ZNF69: variants seen among roughly 807,000 people sequenced by gnomAD.
The protein encoded by ZNF69 is ZNF3.
Under a neutral mutation model 50.9 loss-of-function variants are expected in ZNF69, and 47 were observed. The observed-to-expected ratio is 0.92, with a 90% CI of 0.73 to 1.18. The LOEUF is 1.18. ZNF69 is among the 50% of genes most tolerant of loss of function. ZNF69 has a pLI of 0.00. For synonymous variants in ZNF69, 216 were observed against 223.1 expected, an observed-to-expected ratio of 0.97 and a Z score of 0.29; for missense variants, 717 against 675.1, an observed-to-expected ratio of 1.06 and a Z score of -0.69.
intron 1 of ZNF69, among the ~76,000 whole-genome samples, chr19:11,889,252 A>G (rs1977023288): frequency 6.6e-6 from 1 of 152,106 alleles, no homozygotes; most frequent in African/African-American, 2.4e-5. Flanking sequence ...GTAATTTGGT[A>G]TCTTCTTGCC....
the ZNF69 span, chr19:11,949,416 T>C: frequency 1.2e-6 from 2 of 1,613,218 alleles, no homozygotes; most frequent in Admixed American, 1.7e-5. Flanking sequence ...TTCGAGTGCA[T>C]GGTAGGACTC....
chr19:11,960,175 A>T, the ZNF69 span, among the ~76,000 whole-genome samples: 4 of 150,176 alleles, frequency 2.7e-5, no homozygotes, highest in East Asian at 7.8e-4. Flanking sequence ...GCATACCACC[A>T]CCCCCAGCTA....
At chr19:11,913,402 T>A in intron 4 of ZNF69, 2 of 605,330 alleles carry the variant, frequency 3.3e-6, no homozygotes, top group Non-Finnish European at 3.0e-6. Flanking sequence ...TCTTTTTTTT[T>A]TTCCAGAAAA....
chr19:11,969,190 T>C, the ZNF69 span, among the ~76,000 whole-genome samples: 4 of 152,232 alleles, frequency 2.6e-5, 1 homozygote, highest in Admixed American at 2.0e-4. Context: ...CTGCAGCCTC[T>C]GCCTTCTGGG....
downstream of ZNF69, among the ~76,000 whole-genome samples, chr19:11,918,253 C>T (rs1280760241): frequency 4.6e-5 from 7 of 152,174 alleles, no homozygotes. Context: ...AATTAACCAT[C>T]TCACCTTTCA....
chr19:11,952,680 C>A, the ZNF69 span, among the ~76,000 whole-genome samples: 1 of 152,084 alleles, frequency 6.6e-6, no homozygotes, highest in Non-Finnish European at 1.5e-5. Flanking sequence ...GATGACATAC[C>A]CAGTCTCAGA....
At chr19:11,962,539 T>A in the ZNF69 span, among the ~76,000 whole-genome samples, 2 of 152,138 alleles carry the variant, frequency 1.3e-5, no homozygotes, top group Non-Finnish European at 2.9e-5. Context: ...TTTAAATTTT[T>A]TTGTACATAT....
chr19:11,892,202 G>A (rs959354380), intron 1 of ZNF69, among the ~76,000 whole-genome samples: 6 of 145,248 alleles, frequency 4.1e-5, no homozygotes, highest in Non-Finnish European at 7.4e-5. Flanking sequence ...CTGGTCTCTA[G>A]CTCCTGGCCT....
rs1468653270 is a variant in ZNF69 at position 11,905,459 on chromosome 19, C to G, written c.1062C>G (p.His354Gln). Residue 354 changes from histidine (H) to glutamine (Q), a missense_variant, in exon 4 of 4, where the codon CAC (histidine) becomes CAG (glutamine). Transcript: ENST00000429654. ...GTTTTCAAACACACATAAGAATGCA[C>G]TCTGGAGAAAGACCTTATGAATGTA... ...LTSFQTHIRM[H>Q]SGERPYECKI... is the part of the protein sequence containing the mutation. The G allele has an allele frequency of 1.9e-6, 3 of 1,614,164 alleles. No individual in the cohort carries two copies. The highest frequency in any genetic ancestry group is 2.5e-6 in the Non-Finnish European group (3 of 1,180,028).
the ZNF69 span, among the ~76,000 whole-genome samples, chr19:11,972,925 CAA>C: frequency 1.5e-4 from 19 of 130,838 alleles, no homozygotes; most frequent in African/African-American, 1.9e-4. Context: ...GACCCTGTTT[CAA>C]AAAAAAAAAA....
At chr19:11,892,739 G>A (rs1397592615) in intron 1 of ZNF69, among the ~76,000 whole-genome samples, 4 of 152,218 alleles carry the variant, frequency 2.6e-5, no homozygotes, top group Non-Finnish European at 5.9e-5. Context: ...GAGAGTTCCA[G>A]CTGGCTATGT....
chr19:11,915,750 A>G (rs1390678416), downstream of ZNF69, among the ~76,000 whole-genome samples: 1 of 152,176 alleles, frequency 6.6e-6, no homozygotes, highest in African/African-American at 2.4e-5. Context: ...CTAAAAATAC[A>G]AAAAGTAGCT....
At chr19:11,962,661 C>G in the ZNF69 span, among the ~76,000 whole-genome samples, 1 of 152,084 alleles carries the variant, frequency 6.6e-6, no homozygotes, top group Non-Finnish European at 1.5e-5. Flanking sequence ...ATACTCCCAG[C>G]CCTGAAACAG....
chr19:11,925,185 G>A, the ZNF69 span: 102 of 1,611,128 alleles, frequency 6.3e-5, no homozygotes, highest in African/African-American at 1.2e-3. Flanking sequence ...CTGTACCCAG[G>A]CTTCTGTCGC....
At chr19:11,912,851 A>G (rs745522879) in intron 4 of ZNF69, among the ~76,000 whole-genome samples, 1 of 152,216 alleles carries the variant, frequency 6.6e-6, no homozygotes, top group Non-Finnish European at 1.5e-5. Flanking sequence ...AATGTAAACA[A>G]TTAACTGTTT....
chr19:11,929,100 C>T, the ZNF69 span, among the ~76,000 whole-genome samples: 1 of 148,324 alleles, frequency 6.7e-6, no homozygotes, highest in Non-Finnish European at 1.5e-5. Context: ...GTCACTCAAC[C>T]CCATGATCAC....
intron 4 of ZNF69, among the ~76,000 whole-genome samples, chr19:11,912,454 G>T (rs28672858): frequency 0.094 from 14,248 of 152,122 alleles, 1,366 homozygotes; most frequent in African/African-American, 0.24. Context: ...ATGAAGGCAA[G>T]CAATGTGGCA....
chr19:11,951,241 T>G, the ZNF69 span, among the ~76,000 whole-genome samples: 12 of 151,144 alleles, frequency 7.9e-5, no homozygotes, highest in Admixed American at 3.3e-4. Flanking sequence ...TTTTTGTTTT[T>G]TTTTTTTCTG....
At chr19:11,960,625 A>G in the ZNF69 span, among the ~76,000 whole-genome samples, 1 of 151,064 alleles carries the variant, frequency 6.6e-6, no homozygotes, top group Non-Finnish European at 1.5e-5. Context: ...TTAAACCAAG[A>G]TATCTGTACA....
Sources: gnomAD v4.1 joint callset for allele counts (sites outside exome capture counted in the v4.1 genomes callset) on GRCh38, gnomAD v4.1.1 for gene constraint, MANE v1.5 for transcripts, NCBI Gene and HGNC (gene_info 2026-07-23, HGNC 2026-07-21) for gene names.